The following ADGRB1 variants were observed in gnomAD, a reference collection of about 807,000 sequenced individuals.
ADGRB1 encodes brain-specific angiogenesis inhibitor 1.
A neutral mutation model predicts 175.7 loss-of-function variants in ADGRB1; 36 were observed. The ratio of observed to expected loss-of-function variants is 0.20; its 90% CI spans 0.16 to 0.27. The LOEUF (loss-of-function observed/expected upper bound fraction) is 0.27, where lower values mean the gene tolerates loss of function less well. Ranked by LOEUF, ADGRB1 falls within the 10% of genes least tolerant of loss-of-function variation. The probability of loss-of-function intolerance (pLI) is 1.00; values close to 1 mark genes in which losing one functional copy is unlikely to be tolerated. For synonymous variants in ADGRB1, 1,054 were observed against 979.4 expected, an observed-to-expected ratio of 1.08 and a Z score of -1.42; for missense variants, 1,731 against 2,255.3, an observed-to-expected ratio of 0.77 and a Z score of 4.71.
At chr8:142,466,279 G>T (rs1460490727) in intron 2 of ADGRB1, among the ~76,000 whole-genome samples, 2 of 152,190 alleles carry the variant, frequency 1.3e-5, no homozygotes, top group Non-Finnish European at 2.9e-5. Flanking sequence ...GGCCAGTGAA[G>T]CCTATGGACT....
At chr8:142,490,575 G>A (rs1243535776) in intron 16 of ADGRB1, among the ~76,000 whole-genome samples, 197 bp from the exon 17 acceptor site, 1 of 152,242 alleles carries the variant, frequency 6.6e-6, no homozygotes, top group Non-Finnish European at 1.5e-5. Flanking sequence ...GTGGGGGCTT[G>A]TGCCAAGCCC....
At chr8:142,521,896 C>T in intron 20 of ADGRB1, 69 bp from the exon 21 acceptor site, 1 of 1,514,498 alleles carries the variant, frequency 6.6e-7, no homozygotes, top group Admixed American at 2.0e-5. Flanking sequence ...TGCAGACAGG[C>T]ACTCAGTGGG....
At chr8:142,525,490 G>A (rs2132158300) in intron 23 of ADGRB1, among the ~76,000 whole-genome samples, 1 of 152,252 alleles carries the variant, frequency 6.6e-6, no homozygotes, top group South Asian at 2.1e-4. Flanking sequence ...CCTGCTGCAG[G>A]CAGTGGTCCG....
chr8:142,534,894 C>G (rs1374979074), intron 25 of ADGRB1, among the ~76,000 whole-genome samples: 1 of 152,228 alleles, frequency 6.6e-6, no homozygotes, highest in African/African-American at 2.4e-5. Context: ...GCAGGTGCCA[C>G]CTGCTCCGTT....
intron 2 of ADGRB1, among the ~76,000 whole-genome samples, chr8:142,470,906 GC>G (rs1200229963): frequency 6.6e-6 from 1 of 152,200 alleles, no homozygotes; most frequent in Non-Finnish European, 1.5e-5. Flanking sequence ...AACCCCAGGA[GC>G]CCCGGAAGTC....
chr8:142,523,011 A>T (rs1843939396), intron 22 of ADGRB1, among the ~76,000 whole-genome samples: 1 of 152,158 alleles, frequency 6.6e-6, no homozygotes, highest in South Asian at 2.1e-4. Flanking sequence ...CAGTTTCCCC[A>T]TCTGTTCGGT....
At chr8:142,518,460 C>T (rs910372061) in intron 19 of ADGRB1, among the ~76,000 whole-genome samples, 5 of 152,194 alleles carry the variant, frequency 3.3e-5, no homozygotes, top group African/African-American at 2.4e-5. Context: ...GTGTACATGC[C>T]GCACAAACAC....
intron 1 of ADGRB1, among the ~76,000 whole-genome samples, chr8:142,454,581 G>A (rs886814586): frequency 2.0e-5 from 3 of 152,152 alleles, no homozygotes; most frequent in Non-Finnish European, 2.9e-5. Context: ...GGGCAGGGAG[G>A]CCCCCGCAGG....
At chr8:142,502,800 G>A (rs1422856874) in intron 17 of ADGRB1, among the ~76,000 whole-genome samples, 1 of 151,852 alleles carries the variant, frequency 6.6e-6, no homozygotes, top group Non-Finnish European at 1.5e-5. Flanking sequence ...GGTGGTGAAG[G>A]TGTGGTAGCA....
rs778850474 is a variant in ADGRB1 at position 142,537,004 on chromosome 8, A to G, written c.3588A>G (p.Lys1196=). The change falls in exon 26 of 31, where the codon AAA becomes AAG. Residue 1196 remains lysine, a synonymous_variant. Transcript: ENST00000517894. The surrounding 1 kb of genome is among the most constrained non-coding windows in gnomAD (Gnocchi z 4.6). Reference sequence around the variant, plus strand: ...CTCCCCAGGTCCAGGACGCTGTGAAATGCCGTGTGGTTGACCGGCAGGAGG... The same window carrying G: ...CTCCCCAGGTCCAGGACGCTGTGAAGTGCCGTGTGGTTGACCGGCAGGAGG... ...ILRREVQDAV[K]CRVVDRQEEG... 8 of 1,593,584 alleles carry G rather than the reference A, an allele frequency of 5.0e-6. No individual in the cohort carries two copies. The highest frequency in any genetic ancestry group is 1.7e-5 in the Admixed American group (1 of 58,070).
intron 23 of ADGRB1, among the ~76,000 whole-genome samples, chr8:142,525,795 C>T (rs1844141077): frequency 6.6e-6 from 1 of 152,150 alleles, no homozygotes; most frequent in South Asian, 2.1e-4. Context: ...GGCCTTGCCC[C>T]TCGGGGTCCT....
At chr8:142,530,312 C>T (rs531185260) in intron 24 of ADGRB1, among the ~76,000 whole-genome samples, 69 of 152,204 alleles carry the variant, frequency 4.5e-4, no homozygotes, top group Admixed American at 1.4e-3. Flanking sequence ...GGTTCAGGGT[C>T]AGGGGCTGAT....
Position 142,464,270 on chromosome 8 carries a change from G to C in ADGRB1, c.72G>C (p.Leu24=). 7.3e-7 allele frequency: 1 copy of C among 1,360,590 alleles called. No individual in the cohort carries two copies. Among genetic ancestry groups the C allele is most frequent in the Non-Finnish European group, 9.4e-7 (1 of 1,065,470 alleles). 84.3% of individuals were successfully genotyped at this position (1,360,590 alleles called of 1,614,324 possible). A position where few individuals can be genotyped will look rare whatever the true frequency, so the allele number is the denominator to read the frequency against. ...CGCTGCTACTGCTGCTGCTGCTGCT[G>C]GGACGCCGCGCGCGGGCGGCCGCCG... ...LAPLLLLLLL[L]GRRARAAAGA... Residue 24 remains leucine (L), a synonymous_variant, in exon 2 of 31, where the codon CTG becomes CTC. Coordinates refer to ENST00000517894, the MANE Select transcript of ADGRB1 (RefSeq NM_001702.3).
At position 142,510,563 on chromosome 8, in the gene ADGRB1, G is replaced by T. The variant is rs1843036089; in HGVS notation, c.2676-369G>T. ...CGGGCCTCCCCCTCCTTCCCGCGCG[G>T]GCCGGGGGCGCGGGCCCCGGAGGAG... is the stretch of plus-strand genomic sequence containing the variant. On this transcript the variant is annotated intron_variant, in intron 17 of 30. Transcript: ENST00000517894. The surrounding 1 kb of genome is among the most constrained non-coding windows in gnomAD (Gnocchi z 6.3). 6.7e-6 allele frequency among the ~76,000 whole-genome samples: 1 copy of T among 148,566 alleles called. No homozygotes were observed. Among genetic ancestry groups the T allele is most frequent in the South Asian group, 2.1e-4 (1 of 4,806 alleles).
At chr8:142,544,103 G>C in intron 30 of ADGRB1, 117 bp from the exon 31 acceptor site, 1 of 1,118,976 alleles carries the variant, frequency 8.9e-7, no homozygotes, top group Non-Finnish European at 1.3e-6. Context: ...CCTGTCCCCT[G>C]TCCCCCACCT....
intron 25 of ADGRB1, among the ~76,000 whole-genome samples, chr8:142,535,660 A>G (rs993905792): frequency 6.6e-6 from 1 of 152,152 alleles, no homozygotes; most frequent in African/African-American, 2.4e-5. Flanking sequence ...TCGTCTGCCC[A>G]TGAGGCTGGG....
intron 9 of ADGRB1, among the ~76,000 whole-genome samples, chr8:142,480,592 G>A (rs1343766448): frequency 6.6e-6 from 1 of 152,220 alleles, no homozygotes; most frequent in Non-Finnish European, 1.5e-5. Flanking sequence ...CTGGCCTTTG[G>A]TCTGCATGCG....
chr8:142,509,967 C>G (rs748791189), intron 17 of ADGRB1, among the ~76,000 whole-genome samples: 5 of 152,160 alleles, frequency 3.3e-5, no homozygotes, highest in Admixed American at 6.5e-5. Context: ...AAGGCAGGCC[C>G]GGCTCCAGGG....
Position 142,492,909 on chromosome 8 carries a change from A to C in ADGRB1, c.2675+2094A>C, listed in dbSNP as rs1587335913. ...ACAGGCCCCTCCCCACAGTGCAGAA[A>C]CCCTCCATCCGGGCTGTTCGCCGGC... is the stretch of plus-strand genomic sequence containing the variant. On this transcript the variant is annotated intron_variant, in intron 17 of 30. Coordinates refer to ENST00000517894, the MANE Select transcript of ADGRB1 (RefSeq NM_001702.3). The surrounding 1 kb of genome is among the most constrained non-coding windows in gnomAD (Gnocchi z 4.4). Among the ~76,000 whole-genome samples the C allele has an allele frequency of 2.1e-5, 3 of 142,646 alleles. No homozygotes were observed. In the South Asian group the frequency reaches 6.7e-4, roughly 32 times the overall value. 93.6% of individuals were successfully genotyped at this position (142,646 alleles called of 152,430 possible). A position where few individuals can be genotyped will look rare whatever the true frequency, so the allele number is the denominator to read the frequency against.
Sources: gnomAD v4.1 joint callset for allele counts (sites outside exome capture counted in the v4.1 genomes callset) on GRCh38, gnomAD v4.1.1 for gene constraint, Gnocchi (gnomAD v3.1) non-coding constraint, MANE v1.5 for transcripts, NCBI Gene and HGNC (gene_info 2026-07-23, HGNC 2026-07-21) for gene names.